Variants in FAM185A observed in about 807,000 individuals in gnomAD.
FAM185A encodes the protein family with sequence similarity 185 member A.
FAM185A carries 21 observed loss-of-function variants against 45.7 expected under a neutral mutation model. The observed-to-expected ratio is 0.46, with a 90% CI of 0.33 to 0.66. The LOEUF is 0.66. FAM185A is among the 30% of genes least tolerant of loss of function. The pLI, the probability that FAM185A is intolerant of heterozygous loss-of-function variation, is 0.03. For missense variants in FAM185A, 305 were observed against 485.4 expected, an observed-to-expected ratio of 0.63 and a Z score of 3.49; for synonymous variants, 117 against 194.0, an observed-to-expected ratio of 0.60 and a Z score of 3.30.
At chr7:102,834,065 G>GAAGA in the FAM185A span, among the ~76,000 whole-genome samples, 1 of 111,302 alleles carries the variant, frequency 9.0e-6, no homozygotes, top group African/African-American at 4.2e-5. Context: ...AGGAAGGAAG[G>GAAGA]AAGGAAGGAA....
intron 4 of FAM185A, among the ~76,000 whole-genome samples, chr7:102,768,008 A>G (rs1017309099): frequency 7.2e-6 from 1 of 138,668 alleles, no homozygotes; most frequent in Non-Finnish European, 1.6e-5. Context: ...TTTTCCTGCT[A>G]ATTTCTACAC....
At chr7:102,843,850 A>C in the FAM185A span, among the ~76,000 whole-genome samples, 1 of 152,190 alleles carries the variant, frequency 6.6e-6, no homozygotes, top group South Asian at 2.1e-4. Flanking sequence ...GGTCTCAAAA[A>C]AGACGGGGCC....
chr7:102,836,622 A>G, the FAM185A span, among the ~76,000 whole-genome samples: 1 of 152,238 alleles, frequency 6.6e-6, no homozygotes, highest in East Asian at 1.9e-4. Flanking sequence ...TTTCCCATGT[A>G]TCAGCCAATT....
the FAM185A span, among the ~76,000 whole-genome samples, chr7:102,818,787 T>A: frequency 2.6e-5 from 4 of 152,162 alleles, no homozygotes; most frequent in Admixed American, 6.5e-5. Flanking sequence ...TTTTAAAAAA[T>A]TTATTTCCAA....
chr7:102,803,452 G>C (rs1796915561), intron 7 of FAM185A, among the ~76,000 whole-genome samples: 1 of 152,200 alleles, frequency 6.6e-6, no homozygotes, highest in Non-Finnish European at 1.5e-5. Context: ...CTCAATAGAT[G>C]CAGAAAAAGC....
the FAM185A span, among the ~76,000 whole-genome samples, chr7:102,826,090 C>CT: frequency 3.9e-5 from 6 of 152,080 alleles, no homozygotes; most frequent in Non-Finnish European, 5.9e-5. Context: ...GAGAACTTGA[C>CT]TGTTGGCTTT....
chr7:102,808,364 A>T lies in FAM185A; in HGVS notation c.1141A>T (p.Arg381Trp). ...CCCAAAAGGCACTGTAAGTTTTAGA[A>T]GGCAAAGTTGGTTTCAGTCCCTGAA... Reference protein sequence around the residue: ...DAPKGTVSFRRQSWFQSLKLQ... With the variant: ...DAPKGTVSFRWQSWFQSLKLQ... The change falls in exon 8 of 8, where the codon AGG (arginine) becomes TGG (tryptophan). Residue 381 changes from arginine (R) to tryptophan (W), a missense_variant. Arg to Trp is a moderately radical substitution (Grantham distance 101). This residue lies in a region of FAM185A where 66 missense variants were observed against 74.6 expected (regional missense o/e 0.89). Coordinates refer to ENST00000413034, the MANE Select transcript of FAM185A (RefSeq NM_001145268.2). 1 of 1,551,652 alleles carries T rather than the reference A, an allele frequency of 6.4e-7. No individual in the cohort carries two copies.
At chr7:102,827,736 C>T in the FAM185A span, among the ~76,000 whole-genome samples, 2 of 152,002 alleles carry the variant, frequency 1.3e-5, no homozygotes, top group South Asian at 2.1e-4. Context: ...TCCATGTGTT[C>T]TCATTGTTCA....
At chr7:102,803,800 A>G (rs1037230373) in intron 7 of FAM185A, among the ~76,000 whole-genome samples, 1 of 152,168 alleles carries the variant, frequency 6.6e-6, no homozygotes, top group Admixed American at 6.5e-5. Context: ...CTCCTCTAGA[A>G]AGCTCCTAGA....
At position 102,801,785 on chromosome 7, in the gene FAM185A, C is replaced by T. The variant is rs182558535; in HGVS notation, c.1067-6505C>T. Among the ~76,000 whole-genome samples, 364 of 151,960 alleles carry T rather than the reference C, an allele frequency of 2.4e-3. 1 individual carries two copies. The highest frequency in any genetic ancestry group is 6.7e-3 in the South Asian group (32 of 4,806). The stretch of plus-strand genomic sequence containing the variant: ...ACTAAAAATATAAAAATTAGCCAGG[C>T]GTGGTGGCGGGCACCTGTAATCCCA... On this transcript the variant is annotated intron_variant, in intron 7 of 7. Transcript: ENST00000413034.
chr7:102,801,174 G>A (rs900225247), intron 7 of FAM185A, among the ~76,000 whole-genome samples: 2 of 152,134 alleles, frequency 1.3e-5, no homozygotes, highest in African/African-American at 4.8e-5. Flanking sequence ...ACAAACAAAT[G>A]CTGAGAGAAT....
At chr7:102,798,751 ATTTAT>A (rs1238689860) in intron 7 of FAM185A, among the ~76,000 whole-genome samples, 4 of 151,852 alleles carry the variant, frequency 2.6e-5, no homozygotes, top group African/African-American at 7.3e-5. Flanking sequence ...AATTTTATTT[ATTTAT>A]TTTATTTTGA....
the FAM185A span, among the ~76,000 whole-genome samples, chr7:102,816,708 A>C: frequency 9.8e-5 from 15 of 152,330 alleles, no homozygotes; most frequent in Admixed American, 5.9e-4. Context: ...TATTGAACCC[A>C]TCAGCCAAAT....
chr7:102,790,831 T>C (rs1027400420), intron 7 of FAM185A, among the ~76,000 whole-genome samples: 1 of 152,218 alleles, frequency 6.6e-6, no homozygotes, highest in Non-Finnish European at 1.5e-5. Context: ...ACCTCCTCCT[T>C]CTCCTGTCTT....
chr7:102,803,080 A>G (rs1479745589), intron 7 of FAM185A, among the ~76,000 whole-genome samples: 1 of 151,886 alleles, frequency 6.6e-6, no homozygotes, highest in Non-Finnish European at 1.5e-5. Flanking sequence ...AGACTGATTC[A>G]TAGCAGAATT....
chr7:102,830,844 T>A, the FAM185A span, among the ~76,000 whole-genome samples: 1 of 152,248 alleles, frequency 6.6e-6, no homozygotes, highest in Admixed American at 6.5e-5. Context: ...TTAGTTTTCT[T>A]CCTTCTTCAT....
intron 7 of FAM185A, among the ~76,000 whole-genome samples, chr7:102,787,835 T>A (rs1050436972): frequency 2.6e-5 from 4 of 152,254 alleles, no homozygotes; most frequent in African/African-American, 9.6e-5. Flanking sequence ...TTGTTTGGTA[T>A]GTACATTTTA....
chr7:102,850,251 C>G, the FAM185A span, among the ~76,000 whole-genome samples: 1 of 151,836 alleles, frequency 6.6e-6, no homozygotes, highest in Non-Finnish European at 1.5e-5. Flanking sequence ...TGTCTGGACC[C>G]CACAGAATCA....
chr7:102,834,878 ATGTGTGTGTGTGTGTGTGTGTGTGTG>A, the FAM185A span, among the ~76,000 whole-genome samples: 1 of 147,164 alleles, frequency 6.8e-6, no homozygotes, highest in Admixed American at 6.8e-5. Flanking sequence ...CCATTCCACA[ATGTGTGTGTGTGTGTGTGTGTGTGTG>A]TGTGTGTGTG....
Sources: gnomAD v4.1 joint callset for allele counts (sites outside exome capture counted in the v4.1 genomes callset) on GRCh38, gnomAD v4.1.1 for gene constraint, gnomAD v4.1.1 regional missense constraint, MANE v1.5 for transcripts, NCBI Gene and HGNC (gene_info 2026-07-23, HGNC 2026-07-21) for gene names.